PTPRN2: variants seen among roughly 807,000 people sequenced by gnomAD.
PTPRN2 encodes receptor-type tyrosine-protein phosphatase N2.
In PTPRN2, 74 loss-of-function variants were observed where a neutral mutation model predicts 118.8. The observed-to-expected ratio is 0.62, with a 90% CI of 0.52 to 0.76. PTPRN2 has a LOEUF of 0.76. Ranked by LOEUF, PTPRN2 falls within the 30% of genes least tolerant of loss-of-function variation. The pLI is 0.00. For synonymous variants in PTPRN2, 641 were observed against 608.0 expected, an observed-to-expected ratio of 1.05 and a Z score of -0.80; for missense variants, 1,481 against 1,394.4, an observed-to-expected ratio of 1.06 and a Z score of -0.99.
At chr7:157,954,332 G>A (rs1489710689) in intron 11 of PTPRN2, among the ~76,000 whole-genome samples, 1 of 115,058 alleles carries the variant, frequency 8.7e-6, no homozygotes, top group Non-Finnish European at 2.1e-5. Context: ...GTGCTGTGTG[G>A]TGTGTGTGGT....
intron 2 of PTPRN2, among the ~76,000 whole-genome samples, chr7:158,342,394 A>G (rs1279242603): frequency 1.0e-3 from 141 of 140,798 alleles, no homozygotes; most frequent in Middle Eastern, 3.7e-3. Flanking sequence ...ACATCTGCAG[A>G]CGTCACTCAC....
At chr7:157,920,259 A>G (rs1432653353) in intron 11 of PTPRN2, among the ~76,000 whole-genome samples, 1 of 152,220 alleles carries the variant, frequency 6.6e-6, no homozygotes, top group Non-Finnish European at 1.5e-5. Flanking sequence ...TGAATATGAA[A>G]ATACAAAACG....
rs1245827616 is a variant in PTPRN2, at chr7:157,772,310, CACAT to C, written c.1789-89377_1789-89374del. On this transcript the variant is annotated intron_variant, in intron 12 of 22. Coordinates refer to ENST00000389418, the MANE Select transcript of PTPRN2 (RefSeq NM_002847.5). ...ACACAAACACACAGACATACAGACA[CACAT>C]AGACACAGACACACACATACACACA... 3.8e-5 allele frequency among the ~76,000 whole-genome samples: 3 copies of C among 79,958 alleles called. No homozygotes were observed. In the East Asian group the frequency reaches 9.0e-4, roughly 24 times the overall value. 52.5% of individuals were successfully genotyped at this position (79,958 alleles called of 152,430 possible).
At chr7:157,923,925 T>A (rs937447993) in intron 11 of PTPRN2, among the ~76,000 whole-genome samples, 1 of 152,194 alleles carries the variant, frequency 6.6e-6, no homozygotes. Flanking sequence ...AAGCAACCTG[T>A]CCTGAATTAG....
In PTPRN2 at chr7:158,430,683, G is replaced by A. The variant is rs186396937; in HGVS notation, c.163+59052C>T. Reference sequence around the variant, plus strand: ...AGCCCACTCGGTGCCTTGTGGGGCCGACACCGTGTCACTGCAGGAAGCCGC... The same window carrying A: ...AGCCCACTCGGTGCCTTGTGGGGCCAACACCGTGTCACTGCAGGAAGCCGC... On this transcript the variant is annotated intron_variant, in intron 2 of 22. Coordinates refer to ENST00000389418, the MANE Select transcript of PTPRN2 (RefSeq NM_002847.5). Among the ~76,000 whole-genome samples, 148 of 152,362 alleles carry A rather than the reference G, an allele frequency of 9.7e-4. 1 individual carries two copies. The highest frequency in any genetic ancestry group is 3.4e-3 in the Middle Eastern group (1 of 294).
chr7:157,649,677 C>CTTGGTGGG (rs1311268093), intron 14 of PTPRN2, among the ~76,000 whole-genome samples: 13 of 134,864 alleles, frequency 9.6e-5, no homozygotes, highest in African/African-American at 3.2e-4. Flanking sequence ...GTGCACTGAA[C>CTTGGTGGG]TCGGTGGGTC....
intron 6 of PTPRN2, among the ~76,000 whole-genome samples, chr7:158,150,278 A>C (rs1419626505): frequency 6.6e-6 from 1 of 152,268 alleles, no homozygotes; most frequent in Non-Finnish European, 1.5e-5. Context: ...AGTTGAATCC[A>C]GGCTGTTTCT....
chr7:158,446,141 G>A (rs115621389), intron 2 of PTPRN2, among the ~76,000 whole-genome samples: 2,471 of 152,006 alleles, frequency 0.016, 55 homozygotes, highest in African/African-American at 0.056. Flanking sequence ...CCCAAAGTCC[G>A]GATTCCCAGC....
chr7:158,300,175 T>G (rs1014204227), intron 3 of PTPRN2, among the ~76,000 whole-genome samples: 2 of 152,184 alleles, frequency 1.3e-5, no homozygotes, highest in African/African-American at 4.8e-5. Context: ...GTTTCTTAAC[T>G]GAAGTCCATT....
chr7:157,857,131 GGGGGAGGGAGGGGAACGCTGGAT>G (rs1809764290), intron 12 of PTPRN2, among the ~76,000 whole-genome samples: 1 of 150,878 alleles, frequency 6.6e-6, no homozygotes, highest in Admixed American at 6.6e-5. Context: ...GGATGCTGGA[GGGGGAGGGAGGGGAACGCTGGAT>G]GGGGAGGGAG....
At chr7:157,788,964 A>T (rs1804256915) in intron 12 of PTPRN2, among the ~76,000 whole-genome samples, 1 of 152,262 alleles carries the variant, frequency 6.6e-6, no homozygotes, top group African/African-American at 2.4e-5. Flanking sequence ...ACCTTCCCCA[A>T]GGAACGGAGC....
chr7:158,322,358 A>C (rs371016041), intron 2 of PTPRN2, among the ~76,000 whole-genome samples: 132 of 152,366 alleles, frequency 8.7e-4, no homozygotes, highest in Middle Eastern at 3.4e-3. Flanking sequence ...AAAGGGCACG[A>C]GAGCACCTGA....
At chr7:158,105,798 T>A (rs760360178) in intron 10 of PTPRN2, among the ~76,000 whole-genome samples, 41 of 151,706 alleles carry the variant, frequency 2.7e-4, no homozygotes, top group Non-Finnish European at 5.3e-4. Flanking sequence ...CTTATCTCCA[T>A]CAATTTCCAT....
chr7:158,077,528 ATTCAGG>A (rs1563401792), intron 11 of PTPRN2, among the ~76,000 whole-genome samples: 28 of 83,156 alleles, frequency 3.4e-4, no homozygotes, highest in African/African-American at 1.2e-3. Context: ...TCACCCCACC[ATTCAGG>A]GTCAGCACAG....
chr7:158,162,114 C>A (rs1822416535), intron 6 of PTPRN2, among the ~76,000 whole-genome samples: 1 of 152,184 alleles, frequency 6.6e-6, no homozygotes, highest in South Asian at 2.1e-4. Flanking sequence ...GGAGCAACAG[C>A]AGCTCATTCA....
intron 14 of PTPRN2, among the ~76,000 whole-genome samples, chr7:157,633,465 G>T (rs910584313): frequency 2.0e-5 from 3 of 152,208 alleles, no homozygotes; most frequent in African/African-American, 7.2e-5. Context: ...TTAGCTGGAG[G>T]GCAGACCATC....
chr7:157,769,095 G>A (rs931019355), intron 12 of PTPRN2, among the ~76,000 whole-genome samples: 6 of 152,136 alleles, frequency 3.9e-5, no homozygotes, highest in African/African-American at 1.4e-4. Context: ...CGGGAGGAGC[G>A]TTTGCCTGCA....
intron 11 of PTPRN2, among the ~76,000 whole-genome samples, chr7:158,014,432 T>C (rs13310851): frequency 0.77 from 116,588 of 151,550 alleles, 44,961 homozygotes; most frequent in East Asian, 0.82. Context: ...CCTGCTCATC[T>C]ATTCATCCAT....
At chr7:158,024,374 C>T (rs1807117507) in intron 11 of PTPRN2, among the ~76,000 whole-genome samples, 1 of 152,220 alleles carries the variant, frequency 6.6e-6, no homozygotes, top group South Asian at 2.1e-4. Context: ...GAGCTGTCCA[C>T]TCAGCTGAAA....
Sources: allele counts gnomAD v4.1 joint callset (sites outside exome capture counted in the v4.1 genomes callset), GRCh38; gene constraint gnomAD v4.1.1; transcripts MANE v1.5; gene names NCBI Gene and HGNC (gene_info 2026-07-23, HGNC 2026-07-21).